NRXN3: variants seen among roughly 807,000 people sequenced by gnomAD.
The protein encoded by NRXN3 is neurexin 3.
Under a neutral mutation model 137.6 loss-of-function variants are expected in NRXN3, and 32 were observed. That is an observed-to-expected ratio of 0.23 (90% CI 0.18 to 0.31). The LOEUF (loss-of-function observed/expected upper bound fraction) is 0.31, where lower values mean the gene tolerates loss of function less well. Among genes scored for constraint, NRXN3 ranks in the 10% least tolerant of loss-of-function variants. The pLI is 1.00. For synonymous variants in NRXN3, 798 were observed against 784.5 expected (o/e 1.02, Z -0.29); for missense variants, 1,574 against 2,062.5 (o/e 0.76, Z 4.59).
chr14:78,180,538 T>C (rs1432783668), intron 1 of NRXN3, among the ~76,000 whole-genome samples: 1 of 152,194 alleles, frequency 6.6e-6, no homozygotes, highest in East Asian at 1.9e-4. Flanking sequence ...GGAGGTTAAC[T>C]ATCTTGCCTG....
Position 78,734,203 on chromosome 14 carries a change from T to G in NRXN3, c.2044+19064T>G, listed in dbSNP as rs1377269830. Among the ~76,000 whole-genome samples, 17 of 124,156 alleles carry G rather than the reference T, an allele frequency of 1.4e-4. No individual in the cohort carries two copies. In the Admixed American group the frequency reaches 1.5e-3, roughly 11 times the overall value. The allele number at this position is 124,156 out of a possible 152,430, so 81.5% of individuals were successfully genotyped here. On this transcript the variant is annotated intron_variant, in intron 8 of 20. Transcript: ENST00000335750. ...AGAGCCAAACACACGTATCTGCATC[T>G]GAAACACACACACACACACACACAC...
intron 16 of NRXN3, among the ~76,000 whole-genome samples, chr14:79,542,440 C>G (rs1229680919): frequency 1.3e-5 from 2 of 152,184 alleles, no homozygotes; most frequent in African/African-American, 2.4e-5. Flanking sequence ...ACGTGAACAT[C>G]CTTCTCTAGA....
At chr14:79,318,753 C>T (rs1204928293) in intron 15 of NRXN3, among the ~76,000 whole-genome samples, 1 of 152,094 alleles carries the variant, frequency 6.6e-6, no homozygotes, top group Admixed American at 6.5e-5. Flanking sequence ...AATCACTGGG[C>T]ATTATCGGAT....
At chr14:79,576,544 C>T (rs564421341) in intron 16 of NRXN3, among the ~76,000 whole-genome samples, 1 of 152,210 alleles carries the variant, frequency 6.6e-6, no homozygotes, top group South Asian at 2.1e-4. Flanking sequence ...GAGAGCTCTC[C>T]CAGCCCAGGA....
intron 10 of NRXN3, among the ~76,000 whole-genome samples, chr14:78,937,112 C>T (rs2099342895): frequency 6.7e-6 from 1 of 149,378 alleles, no homozygotes; most frequent in South Asian, 2.1e-4. Flanking sequence ...ATCCCAGCTA[C>T]TCGGGAGGCT....
chr14:79,609,763 A>C lies in NRXN3; in HGVS notation c.3445-54015A>C, dbSNP rs543335460. On this transcript the variant is annotated intron_variant, in intron 16 of 20. Transcript: ENST00000335750. ...CTTTATTAGCTTTAAGAATACCAAAACGAATATGCCAGATATAGTATCTAA... is the reference window on the plus strand; with the variant it reads ...CTTTATTAGCTTTAAGAATACCAAACCGAATATGCCAGATATAGTATCTAA... 7.2e-5 allele frequency among the ~76,000 whole-genome samples: 11 copies of C among 152,334 alleles called. No individual in the cohort carries two copies. The East Asian group carries it at 1.7e-3, about 24-fold the overall frequency.
At chr14:79,828,039 G>C (rs529588695) in intron 20 of NRXN3, among the ~76,000 whole-genome samples, 1 of 152,208 alleles carries the variant, frequency 6.6e-6, no homozygotes, top group African/African-American at 2.4e-5. Flanking sequence ...CATGAGGACA[G>C]CACCAAGCCA....
intron 19 of NRXN3, among the ~76,000 whole-genome samples, chr14:79,802,141 T>A (rs1177030337): frequency 6.6e-6 from 1 of 152,196 alleles, no homozygotes; most frequent in Non-Finnish European, 1.5e-5. Flanking sequence ...TTAATGTATG[T>A]TTTGGTTTCT....
rs71103816 is a variant in NRXN3, at chr14:79,740,707, GTTT to G, written c.4014+42774_4014+42776del. Among the ~76,000 whole-genome samples, 11 of 47,692 alleles carry G rather than the reference GTTT, an allele frequency of 2.3e-4. 1 individual carries two copies. The highest frequency in any genetic ancestry group is 2.9e-4 in the Non-Finnish European group (8 of 27,146). The allele number at this position is 47,692 out of a possible 152,430, so 31.3% of individuals were successfully genotyped here. A position where few individuals can be genotyped will look rare whatever the true frequency, so the allele number is the denominator to read the frequency against. ...GCCTTTCCACTGGACTTTGCATTTAGTTTTTTATATATATATATATATATATAT... is the reference window on the plus strand; with the variant it reads ...GCCTTTCCACTGGACTTTGCATTTAGTTTATATATATATATATATATATAT... On this transcript the variant is annotated intron_variant, in intron 19 of 20. Coordinates refer to ENST00000335750, the MANE Select transcript of NRXN3 (RefSeq NM_001330195.2).
chr14:78,969,992 C>G (rs2099431122), intron 14 of NRXN3, among the ~76,000 whole-genome samples: 2 of 152,012 alleles, frequency 1.3e-5, no homozygotes, highest in African/African-American at 4.8e-5. Flanking sequence ...AAAGGGCAAT[C>G]CTGGAATAGA....
intron 19 of NRXN3, among the ~76,000 whole-genome samples, chr14:79,698,260 A>G (rs1170099912): frequency 6.6e-6 from 1 of 152,048 alleles, no homozygotes; most frequent in Non-Finnish European, 1.5e-5. Context: ...AAATAACAGA[A>G]AGGGCAAGGG....
intron 4 of NRXN3, among the ~76,000 whole-genome samples, chr14:78,373,674 TG>T (rs1421736235): frequency 6.6e-6 from 1 of 151,460 alleles, no homozygotes; most frequent in African/African-American, 2.4e-5. Flanking sequence ...TGTGTAGGAG[TG>T]GGAGGAGGAG....
chr14:78,453,389 T>C (rs780316964), intron 4 of NRXN3, among the ~76,000 whole-genome samples: 1 of 152,202 alleles, frequency 6.6e-6, no homozygotes, highest in Non-Finnish European at 1.5e-5. Context: ...GTGGATGATA[T>C]ATGCCGATTG....
intron 4 of NRXN3, among the ~76,000 whole-genome samples, chr14:78,608,496 C>T (rs932723708): frequency 5.9e-5 from 9 of 152,118 alleles, no homozygotes; most frequent in Non-Finnish European, 1.0e-4. Context: ...GTATATGCTG[C>T]ACTAAATCCT....
chr14:78,778,762 T>C (rs1404523193), intron 8 of NRXN3, among the ~76,000 whole-genome samples: 5 of 15,372 alleles, frequency 3.3e-4, no homozygotes, highest in Non-Finnish European at 5.6e-4. Context: ...TTCTTTCTCT[T>C]TCTTTCTTTC....
chr14:78,738,917 A>G (rs905255998), intron 8 of NRXN3, among the ~76,000 whole-genome samples: 1 of 152,196 alleles, frequency 6.6e-6, no homozygotes, highest in Admixed American at 6.5e-5. Context: ...GTGGGCCCAC[A>G]GAAAAAAACC....
intron 18 of NRXN3, among the ~76,000 whole-genome samples, chr14:79,695,928 G>A (rs1000197029): frequency 1.3e-5 from 2 of 151,922 alleles, no homozygotes; most frequent in African/African-American, 4.8e-5. Context: ...ATAAAGTATA[G>A]ATCATTTTCA....
intron 1 of NRXN3, among the ~76,000 whole-genome samples, chr14:78,238,856 A>C (rs1350138803): frequency 6.6e-6 from 1 of 152,236 alleles, no homozygotes. Context: ...GGGGAGGCTC[A>C]GCCTGGAAGG....
chr14:79,512,795 T>A (rs1015662639), intron 16 of NRXN3, among the ~76,000 whole-genome samples: 1 of 152,164 alleles, frequency 6.6e-6, no homozygotes, highest in Non-Finnish European at 1.5e-5. Context: ...TACTCCACAG[T>A]CCGTCTCTTC....
Sources: allele counts gnomAD v4.1 joint callset (sites outside exome capture counted in the v4.1 genomes callset), GRCh38; gene constraint gnomAD v4.1.1; transcripts MANE v1.5; gene names NCBI Gene and HGNC (gene_info 2026-07-23, HGNC 2026-07-21).